The following CUL4A variants were observed in gnomAD, a reference collection of about 807,000 sequenced individuals.
CUL4A encodes the protein cullin 4A.
Under a neutral mutation model 95.5 loss-of-function variants are expected in CUL4A, and 16 were observed. The ratio of observed to expected loss-of-function variants is 0.17; its 90% CI spans 0.11 to 0.25. CUL4A has a LOEUF of 0.25. CUL4A is among the 10% of genes least tolerant of loss of function. The probability of loss-of-function intolerance (pLI) is 1.00; values close to 1 mark genes in which losing one functional copy is unlikely to be tolerated. For missense variants in CUL4A, 610 were observed against 937.0 expected, an observed-to-expected ratio of 0.65 and a Z score of 4.56; for synonymous variants, 380 against 353.1, an observed-to-expected ratio of 1.08 and a Z score of -0.85.
Position 113,255,136 on chromosome 13 carries a change from A to T in CUL4A, c.2031+11A>T. 1.3e-6 allele frequency: 2 copies of T among 1,588,116 alleles called. No individual in the cohort carries two copies. Among genetic ancestry groups the T allele is most frequent in the Non-Finnish European group, 1.7e-6 (2 of 1,163,222 alleles). ...CAGATGAAGGAAACTGTATGTATAA[A>T]CTTTCTCTTTTTACTTATAGGGGGT... On this transcript the variant is annotated intron_variant, in intron 18 of 19. Coordinates refer to ENST00000375440, the MANE Select transcript of CUL4A (RefSeq NM_001008895.4).
intron 2 of CUL4A, among the ~76,000 whole-genome samples, 197 bp from the exon 3 acceptor site, chr13:113,218,748 T>C: frequency 6.6e-6 from 1 of 152,240 alleles, no homozygotes; most frequent in East Asian, 1.9e-4. Context: ...ATGCCAACTA[T>C]GACTGGACTG....
At chr13:113,261,968 A>G (rs1195881565) in intron 19 of CUL4A, among the ~76,000 whole-genome samples, 2 of 152,090 alleles carry the variant, frequency 1.3e-5, no homozygotes, top group Non-Finnish European at 2.9e-5. Context: ...TTTAGTAGAG[A>G]CAGGGTTTTA....
upstream of CUL4A, chr13:113,208,677 G>A (rs1421246811): frequency 1.3e-6 from 2 of 1,583,348 alleles, no homozygotes; most frequent in Non-Finnish European, 1.7e-6. Flanking sequence ...TACGCCTCAA[G>A]CGGGCCAGCT....
chr13:113,229,302 GAAA>G (rs1169217241), intron 4 of CUL4A, 141 bp from the exon 5 acceptor site: 8 of 613,288 alleles, frequency 1.3e-5, no homozygotes, highest in Admixed American at 9.2e-5. Context: ...ATTAACTTTA[GAAA>G]AAAAAAATAA....
At chr13:113,252,751 G>A (rs2042026934) in intron 15 of CUL4A, among the ~76,000 whole-genome samples, 2 of 152,180 alleles carry the variant, frequency 1.3e-5, no homozygotes, top group Non-Finnish European at 2.9e-5. Context: ...CTGAGACACA[G>A]GATCTGGCCT....
chr13:113,253,962 A>G (rs1300192216), intron 16 of CUL4A, among the ~76,000 whole-genome samples: 1 of 152,236 alleles, frequency 6.6e-6, no homozygotes, highest in Non-Finnish European at 1.5e-5. Context: ...AGAGAGTCAT[A>G]TACATGAAAC....
intron 19 of CUL4A, among the ~76,000 whole-genome samples, chr13:113,262,562 T>C (rs1292096158): frequency 2.6e-5 from 4 of 152,132 alleles, no homozygotes; most frequent in African/African-American, 9.7e-5. Context: ...AGCACGAAGA[T>C]TGCTTGAGTC....
chr13:113,208,684 A>T (rs769295690), upstream of CUL4A: 1 of 1,568,412 alleles, frequency 6.4e-7, no homozygotes, highest in South Asian at 1.2e-5. Context: ...CAAGCGGGCC[A>T]GCTGGCGTCA....
chr13:113,226,246 T>G (rs2041101137), intron 3 of CUL4A, among the ~76,000 whole-genome samples: 1 of 152,226 alleles, frequency 6.6e-6, no homozygotes, highest in South Asian at 2.1e-4. Flanking sequence ...TGTCACCACC[T>G]CACATTGGCT....
At chr13:113,211,988 C>G (rs2040465760) in intron 2 of CUL4A, among the ~76,000 whole-genome samples, 1 of 152,212 alleles carries the variant, frequency 6.6e-6, no homozygotes, top group Non-Finnish European at 1.5e-5. Context: ...GTGGTGTCCT[C>G]AGTCTGTAAC....
intron 5 of CUL4A, chr13:113,229,967 G>T: frequency 2.8e-6 from 1 of 353,188 alleles, no homozygotes; most frequent in East Asian, 4.3e-5. Context: ...TCATCTTTCG[G>T]GGACTGTATA....
chr13:113,253,734 T>C (rs1256551411), intron 16 of CUL4A, among the ~76,000 whole-genome samples: 2 of 152,174 alleles, frequency 1.3e-5, no homozygotes, highest in Non-Finnish European at 2.9e-5. Context: ...TTTTCACGGA[T>C]TAATGAATGA....
At chr13:113,245,373 TC>T (rs2041829596) in intron 14 of CUL4A, 136 bp downstream of exon 14, 2 of 761,606 alleles carry the variant, frequency 2.6e-6, no homozygotes, top group Non-Finnish European at 4.4e-6. Context: ...ACTACCCTGA[TC>T]AACATAGCAA....
intron 6 of CUL4A, 71 bp downstream of exon 6, chr13:113,233,410 C>A: frequency 7.2e-7 from 1 of 1,387,880 alleles, no homozygotes; most frequent in Non-Finnish European, 1.0e-6. Flanking sequence ...ATGGTTGTAC[C>A]AAAGATGTTA....
chr13:113,237,965 C>T (rs1420763056), intron 9 of CUL4A, among the ~76,000 whole-genome samples: 4 of 152,178 alleles, frequency 2.6e-5, no homozygotes, highest in Non-Finnish European at 5.9e-5. Context: ...AAAACCAGGG[C>T]TTAAAACAGC....
chr13:113,233,192 A>G lies in CUL4A; in HGVS notation c.528A>G (p.Glu176=). Residue 176 remains glutamate, a synonymous_variant, in exon 6 of 20, where the codon GAA becomes GAG. Coordinates refer to ENST00000375440, the MANE Select transcript of CUL4A (RefSeq NM_001008895.4). The part of the protein sequence containing the change: ...TLPSIWDMGL[E]LFRTHIISDK... ...GTCTATACAGGGATATGGGATTAGA[A>G]CTGTTTAGAACCCATATTATTAGTG... The G allele has an allele frequency of 6.2e-7, 1 of 1,614,052 alleles. No homozygotes were observed. The highest frequency in any genetic ancestry group is 2.2e-5 in the East Asian group (1 of 44,888).
At chr13:113,232,970 G>A (rs953760204) in intron 5 of CUL4A, among the ~76,000 whole-genome samples, 4 of 152,180 alleles carry the variant, frequency 2.6e-5, no homozygotes, top group Admixed American at 6.5e-5. Flanking sequence ...CCAGGAACGT[G>A]GAGCAGCTCT....
At chr13:113,209,888 G>C (rs1052364232) in intron 1 of CUL4A, 85 bp from the exon 2 acceptor site, 1 of 1,201,840 alleles carries the variant, frequency 8.3e-7, no homozygotes, top group Non-Finnish European at 1.0e-6. Context: ...GAGCGGGGGC[G>C]CCGGGGCGCC....
intron 3 of CUL4A, among the ~76,000 whole-genome samples, chr13:113,226,148 C>A (rs183261255): frequency 2.0e-5 from 3 of 152,178 alleles, no homozygotes; most frequent in Non-Finnish European, 1.5e-5. Context: ...TCAGGCCACT[C>A]GTTGCCACCC....
Sources: gnomAD v4.1 joint callset for allele counts (sites outside exome capture counted in the v4.1 genomes callset) on GRCh38, gnomAD v4.1.1 for gene constraint, MANE v1.5 for transcripts, NCBI Gene and HGNC (gene_info 2026-07-23, HGNC 2026-07-21) for gene names.